The following RNF217 variants were observed in gnomAD, a reference collection of about 807,000 sequenced individuals.
RNF217 encodes the protein ring finger protein 217.
Under a neutral mutation model 57.8 loss-of-function variants are expected in RNF217, and 31 were observed. That is an observed-to-expected ratio of 0.54 (90% CI 0.40 to 0.72). The LOEUF (loss-of-function observed/expected upper bound fraction) is 0.72, where lower values mean the gene tolerates loss of function less well. Among genes scored for constraint, RNF217 ranks in the 30% least tolerant of loss-of-function variants. The probability of loss-of-function intolerance (pLI) is 0.00; values close to 1 mark genes in which losing one functional copy is unlikely to be tolerated. For missense variants in RNF217, 696 were observed against 708.3 expected (o/e 0.98, Z 0.20); for synonymous variants, 313 against 294.0 (o/e 1.06, Z -0.66).
At chr6:125,039,557 A>G (rs927124755) in intron 1 of RNF217, among the ~76,000 whole-genome samples, 2 of 152,164 alleles carry the variant, frequency 1.3e-5, no homozygotes, top group Non-Finnish European at 2.9e-5. Flanking sequence ...AAAATTAACA[A>G]GGACATTGAG....
chr6:125,052,943 A>G lies in RNF217; in HGVS notation c.1117-4999A>G, dbSNP rs1167766406. 2.0e-5 allele frequency among the ~76,000 whole-genome samples: 3 copies of G among 152,028 alleles called. No individual in the cohort carries two copies. In the South Asian group the frequency reaches 6.2e-4, roughly 32 times the overall value. On this transcript the variant is annotated intron_variant, in intron 2 of 5. Coordinates refer to ENST00000521654, the MANE Select transcript of RNF217 (RefSeq NM_001286398.3). ...TTATAGGAACTTACTGGCTCCATTT[A>G]TTGTACACTTAGCAAGGATCAGGGT...
chr6:125,040,611 C>G (rs1387477103), intron 1 of RNF217, among the ~76,000 whole-genome samples: 1 of 152,138 alleles, frequency 6.6e-6, no homozygotes, highest in African/African-American at 2.4e-5. Flanking sequence ...CATCCTGATT[C>G]CAAAACCTGG....
At chr6:124,980,357 A>G (rs1489237581) in intron 1 of RNF217, among the ~76,000 whole-genome samples, 1 of 152,214 alleles carries the variant, frequency 6.6e-6, no homozygotes, top group East Asian at 1.9e-4. Flanking sequence ...TTTTAAAACA[A>G]ATAGGAACTA....
rs1788680633 is a variant in RNF217, at chr6:125,083,567, A to G, written c.*630A>G. The G allele has an allele frequency of 6.6e-6, 1 of 152,056 alleles. No individual in the cohort carries two copies. Among genetic ancestry groups the G allele is most frequent in the Non-Finnish European group, 1.5e-5 (1 of 67,998 alleles). The allele number at this position is 152,056 out of a possible 1,614,324, so 9.4% of individuals were successfully genotyped here. A position where few individuals can be genotyped will look rare whatever the true frequency, so the allele number is the denominator to read the frequency against. ...GGGGCGTGAATGTGTGTGTATATAA[A>G]TATGTATTAAAACTAGGCCCAGTAA... On this transcript the variant is annotated 3_prime_UTR_variant, in exon 6 of 6. Coordinates refer to ENST00000521654, the MANE Select transcript of RNF217 (RefSeq NM_001286398.3).
chr6:125,007,888 G>A (rs1016782149), intron 1 of RNF217, among the ~76,000 whole-genome samples: 2 of 152,082 alleles, frequency 1.3e-5, no homozygotes, highest in Admixed American at 1.3e-4. Flanking sequence ...CTTATAAAGT[G>A]TAATTTATAA....
intron 1 of RNF217, among the ~76,000 whole-genome samples, chr6:125,034,263 C>G (rs1413046509): frequency 6.6e-6 from 1 of 152,154 alleles, no homozygotes; most frequent in African/African-American, 2.4e-5. Flanking sequence ...GACATGAAGT[C>G]TTTGCCCATG....
chr6:125,060,083 T>C lies in RNF217; in HGVS notation c.1281+1977T>C, dbSNP rs540904111. Among the ~76,000 whole-genome samples, 3 of 152,284 alleles carry C rather than the reference T, an allele frequency of 2.0e-5. No homozygotes were observed. The East Asian group carries it at 5.8e-4, about 29-fold the overall frequency. Reference sequence around the variant, plus strand: ...GACCCTAAAATTATGTTTTGCCCCATGGAACATTTCTATTATTACAACAGA... The same window carrying C: ...GACCCTAAAATTATGTTTTGCCCCACGGAACATTTCTATTATTACAACAGA... On this transcript the variant is annotated intron_variant, in intron 3 of 5. Coordinates refer to ENST00000521654, the MANE Select transcript of RNF217 (RefSeq NM_001286398.3).
intron 1 of RNF217, among the ~76,000 whole-genome samples, chr6:125,026,421 C>T (rs781446708): frequency 3.3e-5 from 5 of 152,100 alleles, no homozygotes; most frequent in African/African-American, 4.8e-5. Context: ...ACATACTAAA[C>T]GCTCAACAAA....
chr6:125,032,715 A>G lies in RNF217; in HGVS notation c.883-12496A>G, dbSNP rs1201753769. Reference sequence around the variant, plus strand: ...CTTTATACTTTTTGGTTTATGAACTATGATCATTTTTGAGCTTATTTTAAA... The same window carrying G: ...CTTTATACTTTTTGGTTTATGAACTGTGATCATTTTTGAGCTTATTTTAAA... On this transcript the variant is annotated intron_variant, in intron 1 of 5. Transcript: ENST00000521654. 3.9e-5 allele frequency among the ~76,000 whole-genome samples: 6 copies of G among 152,176 alleles called. No homozygotes were observed. In the South Asian group the frequency reaches 8.3e-4, roughly 21 times the overall value.
intron 1 of RNF217, among the ~76,000 whole-genome samples, chr6:124,993,847 A>G (rs944681652): frequency 1.3e-5 from 2 of 152,128 alleles, no homozygotes; most frequent in African/African-American, 4.8e-5. Flanking sequence ...CTGAAAGAGC[A>G]TACTTCTTCA....
chr6:125,016,257 G>A (rs1206143100), intron 1 of RNF217, among the ~76,000 whole-genome samples: 2 of 152,072 alleles, frequency 1.3e-5, no homozygotes, highest in Non-Finnish European at 2.9e-5. Flanking sequence ...ACACCTAATT[G>A]TAGGCAAGAA....
At chr6:124,974,051 C>T (rs977444301) in intron 1 of RNF217, among the ~76,000 whole-genome samples, 1 of 152,152 alleles carries the variant, frequency 6.6e-6, no homozygotes, top group Non-Finnish European at 1.5e-5. Flanking sequence ...TTCTTATTTG[C>T]AGGCTGGCCT....
rs369451559 is a variant in RNF217 at position 125,082,587 on chromosome 6, A to T, written c.1556-277A>T. 15 of 1,600,172 alleles carry T rather than the reference A, an allele frequency of 9.4e-6. No homozygotes were observed. In the African/African-American group the frequency reaches 2.0e-4, roughly 22 times the overall value. On this transcript the variant is annotated intron_variant, in intron 5 of 5. Coordinates refer to ENST00000521654, the MANE Select transcript of RNF217 (RefSeq NM_001286398.3). ...GTGTGAGTATCATAGTGTGCAAATG[A>T]TATGACTGTGGACAATAAAGAAGAT...
chr6:125,024,890 G>T (rs965818605), intron 1 of RNF217, among the ~76,000 whole-genome samples: 3 of 152,202 alleles, frequency 2.0e-5, no homozygotes, highest in African/African-American at 7.2e-5. Context: ...TTTAACATGT[G>T]GGAGCTTGCA....
intron 3 of RNF217, among the ~76,000 whole-genome samples, chr6:125,076,195 CCT>C (rs1562497592): frequency 1.3e-5 from 2 of 152,176 alleles, no homozygotes; most frequent in East Asian, 3.9e-4. Flanking sequence ...AACAAAGAGA[CCT>C]CTGCTTTTTG....
chr6:125,032,641 G>C (rs969679718), intron 1 of RNF217, among the ~76,000 whole-genome samples: 1 of 152,022 alleles, frequency 6.6e-6, no homozygotes, highest in Non-Finnish European at 1.5e-5. Context: ...ACCATTTTGT[G>C]GGGTGAATGG....
At chr6:124,969,771 T>C (rs1783692709) in intron 1 of RNF217, among the ~76,000 whole-genome samples, 2 of 152,140 alleles carry the variant, frequency 1.3e-5, no homozygotes, top group Non-Finnish European at 2.9e-5. Context: ...ATAAGTAAAT[T>C]ATTTAGCTTA....
chr6:125,066,866 G>A (rs1466593741), intron 3 of RNF217, among the ~76,000 whole-genome samples: 5 of 152,062 alleles, frequency 3.3e-5, no homozygotes, highest in Admixed American at 1.3e-4. Flanking sequence ...TACCTTATAT[G>A]GACTTTTAAT....
chr6:125,065,772 C>A (rs1049319888), intron 3 of RNF217, among the ~76,000 whole-genome samples: 6 of 152,152 alleles, frequency 3.9e-5, no homozygotes, highest in African/African-American at 1.4e-4. Flanking sequence ...CTTTCTCTTT[C>A]TACAGCAAAC....
Sources: gnomAD v4.1 joint callset for allele counts (sites outside exome capture counted in the v4.1 genomes callset) on GRCh38, gnomAD v4.1.1 for gene constraint, MANE v1.5 for transcripts, NCBI Gene and HGNC (gene_info 2026-07-23, HGNC 2026-07-21) for gene names.